The following INTS9 variants were observed in gnomAD, a reference collection of about 807,000 sequenced individuals.
The protein encoded by INTS9 is integrator complex subunit 9, also known as protein related to CPSF subunits of 74 kDa.
INTS9 carries 55 observed loss-of-function variants against 79.7 expected under a neutral mutation model. The observed-to-expected ratio is 0.69, with a 90% CI of 0.56 to 0.86. The LOEUF is 0.86. INTS9 is among the 40% of genes least tolerant of loss of function. The pLI, the probability that INTS9 is intolerant of heterozygous loss-of-function variation, is 0.00. For missense variants in INTS9, 721 were observed against 831.5 expected (o/e 0.87, Z 1.64); for synonymous variants, 319 against 325.2 (o/e 0.98, Z 0.20).
intron 16 of INTS9, among the ~76,000 whole-genome samples, chr8:28,768,783 G>C (rs1188926345): frequency 6.6e-6 from 1 of 152,244 alleles, no homozygotes; most frequent in Non-Finnish European, 1.5e-5. Context: ...CTAATGCTAA[G>C]GACAGAAATT....
intron 4 of INTS9, among the ~76,000 whole-genome samples, chr8:28,845,354 A>T (rs558849803): frequency 6.6e-5 from 10 of 152,172 alleles, no homozygotes; most frequent in Non-Finnish European, 1.2e-4. Context: ...TTTTCCAATC[A>T]TACAAGACCT....
intron 4 of INTS9, among the ~76,000 whole-genome samples, chr8:28,844,973 T>G (rs1231936751): frequency 6.6e-6 from 1 of 152,192 alleles, no homozygotes; most frequent in East Asian, 1.9e-4. Flanking sequence ...CATCTGCAAG[T>G]TTTTTCAAAT....
chr8:28,878,843 G>A (rs1221362296), intron 1 of INTS9, among the ~76,000 whole-genome samples: 1 of 151,932 alleles, frequency 6.6e-6, no homozygotes. Context: ...AGCCAGGTGT[G>A]GTGGCAGGTA....
At chr8:28,809,892 A>G (rs1176724487) in intron 8 of INTS9, among the ~76,000 whole-genome samples, 2 of 152,222 alleles carry the variant, frequency 1.3e-5, no homozygotes, top group Non-Finnish European at 2.9e-5. Context: ...TAAAGAAATA[A>G]TACAGAATGG....
chr8:28,775,043 AT>A (rs1393091664), intron 14 of INTS9, among the ~76,000 whole-genome samples: 32 of 152,290 alleles, frequency 2.1e-4, no homozygotes, highest in Non-Finnish European at 2.9e-4. Flanking sequence ...TACAATCCTT[AT>A]TTTTTGGTTC....
At chr8:28,789,017 C>G (rs1803774862) in intron 10 of INTS9, among the ~76,000 whole-genome samples, 2 of 152,118 alleles carry the variant, frequency 1.3e-5, no homozygotes, top group South Asian at 4.1e-4. Flanking sequence ...TCTAATTTTT[C>G]CTACCCTTAG....
At position 28,776,795 on chromosome 8, in the gene INTS9, C is replaced by A. The variant is rs574811998; in HGVS notation, c.1396-869G>T. Among the ~76,000 whole-genome samples, 35 of 152,284 alleles carry A rather than the reference C, an allele frequency of 2.3e-4. 1 individual carries two copies. In the South Asian group the frequency reaches 6.8e-3, roughly 30 times the overall value. On this transcript the variant is annotated intron_variant, in intron 13 of 16. Transcript: ENST00000521022. ...AGGTTTTCCTCACCTAAAGTGGAGA[C>A]CAGGTGGCCTCCAGTTTCCAGGATT... is the stretch of plus-strand genomic sequence containing the variant.
chr8:28,861,479 A>C (rs2131299744), intron 1 of INTS9, among the ~76,000 whole-genome samples: 1 of 152,374 alleles, frequency 6.6e-6, no homozygotes, highest in South Asian at 2.1e-4. Flanking sequence ...GAAGAAAATA[A>C]AATGAAATGT....
rs762530938 is a variant in INTS9, at chr8:28,793,851, A to T, written c.993T>A (p.Pro331=). Residue 331 remains proline (P), a synonymous_variant, in exon 10 of 17, where the codon CCT becomes CCA. Transcript: ENST00000521022. ...AAAACTCCAGTGAACTGTTGGCCAC[A>T]GGGGAGATGAAGTAGAGGGGGACGC... The part of the protein sequence containing the change: ...LSSVPLYFIS[P]VANSSLEFSQ... The T allele has an allele frequency of 1.9e-6, 3 of 1,613,606 alleles. No homozygotes were observed. In the East Asian group the frequency reaches 6.7e-5, roughly 36 times the overall value.
At position 28,812,510 on chromosome 8, in the gene INTS9, C is replaced by T. The variant is rs927508289; in HGVS notation, c.610-49G>A. 2.5e-6 allele frequency: 4 copies of T among 1,573,308 alleles called. No individual in the cohort carries two copies. In the African/African-American group the frequency reaches 5.4e-5, roughly 21 times the overall value. ...TGTGCAATGAGCTTACAGTGACAGTCACATGAGGTAATTCTGCAGGGAAAA... is the reference window on the plus strand; with the variant it reads ...TGTGCAATGAGCTTACAGTGACAGTTACATGAGGTAATTCTGCAGGGAAAA... On this transcript the variant is annotated intron_variant, in intron 7 of 16. Coordinates refer to ENST00000521022, the MANE Select transcript of INTS9 (RefSeq NM_018250.4).
chr8:28,865,684 G>A (rs1200220010), intron 1 of INTS9, among the ~76,000 whole-genome samples: 1 of 152,066 alleles, frequency 6.6e-6, no homozygotes, highest in East Asian at 1.9e-4. Context: ...GGTGTTTTAA[G>A]CTGCTATTAA....
chr8:28,862,942 T>G (rs549824088), intron 1 of INTS9, among the ~76,000 whole-genome samples: 5 of 152,368 alleles, frequency 3.3e-5, no homozygotes, highest in South Asian at 4.1e-4. Context: ...TTGGGAAAGT[T>G]ACTTAACTTT....
chr8:28,799,731 C>G (rs1438653184), intron 8 of INTS9, among the ~76,000 whole-genome samples: 3 of 152,136 alleles, frequency 2.0e-5, no homozygotes, highest in Non-Finnish European at 2.9e-5. Context: ...GTCCAAGTAC[C>G]AACTTAAAAT....
At chr8:28,799,647 G>A (rs1239719467) in intron 8 of INTS9, among the ~76,000 whole-genome samples, 2 of 152,194 alleles carry the variant, frequency 1.3e-5, no homozygotes, top group African/African-American at 4.8e-5. Flanking sequence ...GATTACTGGT[G>A]TCAATGACCA....
chr8:28,835,381 G>A lies in INTS9; in HGVS notation c.402-3C>T. ...TCACCAGCTCTTCCATGAGAAGCCT[G>A]AGTTTAAACAAAACAAGTGAGGAAC... On this transcript the variant is annotated splice_polypyrimidine_tract_variant and splice_region_variant and intron_variant, in intron 5 of 16. Transcript: ENST00000521022. 1 of 1,611,182 alleles carries A rather than the reference G, an allele frequency of 6.2e-7. No individual in the cohort carries two copies. Among genetic ancestry groups the A allele is most frequent in the East Asian group, 2.2e-5 (1 of 44,832 alleles).
intron 16 of INTS9, 35 bp from the exon 17 acceptor site, chr8:28,768,357 A>G: frequency 6.3e-7 from 1 of 1,594,564 alleles, no homozygotes; most frequent in African/African-American, 1.3e-5. Context: ...TGGGCTGGGC[A>G]GACTGCACAT....
chr8:28,803,094 C>T (rs1029305295), intron 8 of INTS9, among the ~76,000 whole-genome samples: 2 of 152,058 alleles, frequency 1.3e-5, no homozygotes, highest in African/African-American at 2.4e-5. Flanking sequence ...ACCTGGGCAA[C>T]AGAGTGAGAC....
chr8:28,830,082 GA>G (rs1806390011), intron 6 of INTS9, among the ~76,000 whole-genome samples: 1 of 151,802 alleles, frequency 6.6e-6, no homozygotes, highest in Admixed American at 6.6e-5. Context: ...AACATACAGA[GA>G]AGACAGATAG....
rs190912470 is a variant in INTS9 at position 28,806,734 on chromosome 8, T to C, written c.744+5593A>G. On this transcript the variant is annotated intron_variant, in intron 8 of 16. Coordinates refer to ENST00000521022, the MANE Select transcript of INTS9 (RefSeq NM_018250.4). ...CCTCTAATCCTATGTCTAATCAGACTGGATGGACTAGAAACAAACAATTAT... is the reference window on the plus strand; with the variant it reads ...CCTCTAATCCTATGTCTAATCAGACCGGATGGACTAGAAACAAACAATTAT... Among the ~76,000 whole-genome samples the C allele has an allele frequency of 4.6e-4, 70 of 152,330 alleles. 1 individual carries two copies. The East Asian group carries it at 0.012, about 25-fold the overall frequency.
Sources: allele counts gnomAD v4.1 joint callset (sites outside exome capture counted in the v4.1 genomes callset), GRCh38; gene constraint gnomAD v4.1.1; transcripts MANE v1.5; gene names NCBI Gene and HGNC (gene_info 2026-07-23, HGNC 2026-07-21).